AKAP9: variants seen among roughly 807,000 people sequenced by gnomAD.
AKAP9 encodes A-kinase anchoring protein 9.
In AKAP9, 311 loss-of-function variants were observed where a neutral mutation model predicts 488.5. The observed-to-expected ratio is 0.64, with a 90% CI of 0.58 to 0.70. The LOEUF (loss-of-function observed/expected upper bound fraction) is 0.70, where lower values mean the gene tolerates loss of function less well. Ranked by LOEUF, AKAP9 falls within the 30% of genes least tolerant of loss-of-function variation. AKAP9 has a pLI of 0.00. For missense variants in AKAP9, 4,215 were observed against 4,374.5 expected, an observed-to-expected ratio of 0.96 and a Z score of 1.03; for synonymous variants, 1,462 against 1,483.5, an observed-to-expected ratio of 0.99 and a Z score of 0.33.
chr7:91,962,496 T>G (rs970883458), intron 1 of AKAP9, among the ~76,000 whole-genome samples: 2 of 152,158 alleles, frequency 1.3e-5, no homozygotes, highest in African/African-American at 4.8e-5. Context: ...TCTTGTGAAG[T>G]GGTGCTTGAA....
At chr7:92,076,426 T>G (rs1055916895) in intron 28 of AKAP9, among the ~76,000 whole-genome samples, 3 of 152,254 alleles carry the variant, frequency 2.0e-5, no homozygotes, top group Admixed American at 2.0e-4. Context: ...TAGATATTTT[T>G]GGACTAAATT....
At chr7:92,088,938 T>G (rs1037021694) in intron 37 of AKAP9, among the ~76,000 whole-genome samples, 3 of 152,228 alleles carry the variant, frequency 2.0e-5, no homozygotes, top group African/African-American at 7.2e-5. Context: ...ACTTTAGCTT[T>G]AATTAATTCA....
rs766454113 is a variant in AKAP9, at chr7:92,022,998, G to A, written c.4137G>A (p.Thr1379=). The A allele has an allele frequency of 1.5e-5, 24 of 1,613,482 alleles. No individual in the cohort carries two copies. The highest frequency in any genetic ancestry group is 1.6e-4 in the Middle Eastern group (1 of 6,082). ...QKRLQAVSES[T]VPPSLPVDSV... Reference sequence around the variant, plus strand: ...GGCTTCAAGCTGTTAGTGAGTCCACGGTTCCGCCAAGGTATTCATCTGCTT... The same window carrying A: ...GGCTTCAAGCTGTTAGTGAGTCCACAGTTCCGCCAAGGTATTCATCTGCTT... Residue 1379 remains threonine, a synonymous_variant, in exon 14 of 50, where the codon ACG becomes ACA. Transcript: ENST00000356239.
chr7:91,983,299 G>A (rs1236573942), intron 3 of AKAP9, among the ~76,000 whole-genome samples: 26 of 152,128 alleles, frequency 1.7e-4, no homozygotes, highest in Non-Finnish European at 5.9e-5. Flanking sequence ...AGAACATGTG[G>A]TGTTTGGTTT....
At position 92,012,529 on chromosome 7, in the gene AKAP9, A is replaced by G. The variant is rs763348746; in HGVS notation, c.3419A>G (p.Asp1140Gly). The change falls in exon 9 of 50, where the codon GAT (aspartate) becomes GGT (glycine). Residue 1140 changes from aspartate to glycine, a missense_variant. Coordinates refer to ENST00000356239, the MANE Select transcript of AKAP9 (RefSeq NM_005751.5). ...CGTGAATATATGGAAAATGAAAAAG[A>G]TAAAGCTCTTTGCAGTCTTAAAGAA... The part of the protein sequence containing the change: ...QVREYMENEK[D>G]KALCSLKEEL... 3 of 1,614,076 alleles carry G rather than the reference A, an allele frequency of 1.9e-6. No individual in the cohort carries two copies. The highest frequency in any genetic ancestry group is 2.5e-6 in the Non-Finnish European group (3 of 1,179,950).
At chr7:91,996,084 T>G in intron 7 of AKAP9, 1 of 373,564 alleles carries the variant, frequency 2.7e-6, no homozygotes, top group Admixed American at 4.4e-5. Flanking sequence ...TATTTCCACT[T>G]ATTTTAGCCA....
chr7:92,108,019 C>CAAA (rs60351982), intron 48 of AKAP9: 2 of 143,946 alleles, frequency 1.4e-5, no homozygotes, highest in African/African-American at 2.9e-5. Flanking sequence ...ATTTGGTCTC[C>CAAA]AAAAAAAAAA....
chr7:91,974,570 A>G (rs114628912), intron 2 of AKAP9, among the ~76,000 whole-genome samples: 2,189 of 151,946 alleles, frequency 0.014, 45 homozygotes, highest in African/African-American at 0.05. Flanking sequence ...CTCTTTTGGG[A>G]TTGTTTTGGC....
intron 31 of AKAP9, among the ~76,000 whole-genome samples, chr7:92,081,522 G>A (rs12539523): frequency 0.34 from 48,490 of 141,708 alleles, 8,772 homozygotes; most frequent in Middle Eastern, 0.38. Context: ...GTAGAGACGA[G>A]GTTTCTCCAT....
At chr7:91,952,427 T>C (rs564777638) in intron 1 of AKAP9, among the ~76,000 whole-genome samples, 1 of 152,312 alleles carries the variant, frequency 6.6e-6, no homozygotes, top group East Asian at 1.9e-4. Flanking sequence ...ATGGGTAATA[T>C]AATTCTGGGT....
At chr7:91,945,192 C>T (rs1791312328) in intron 1 of AKAP9, among the ~76,000 whole-genome samples, 1 of 151,954 alleles carries the variant, frequency 6.6e-6, no homozygotes, top group South Asian at 2.1e-4. Flanking sequence ...GAGACCCCAT[C>T]TCTAAAAAGA....
At chr7:92,039,800 C>A (rs1012338860) in intron 17 of AKAP9, among the ~76,000 whole-genome samples, 11 of 151,948 alleles carry the variant, frequency 7.2e-5, no homozygotes, top group Non-Finnish European at 1.0e-4. Context: ...CATGGTAAAA[C>A]CCCCTCTCTA....
In AKAP9 at chr7:92,096,998, G is replaced by T. The variant is rs746192048; in HGVS notation, c.10039G>T (p.Glu3347Ter). Residue 3347 changes from glutamate (E) to a stop codon, truncating the protein, a stop_gained, in exon 41 of 50, where the codon GAG (glutamate) becomes TAG (stop). Transcript: ENST00000356239. LOFTEE classifies it high-confidence loss of function. Reference protein sequence around the residue: ...PPLPSEDLLKELQKQLEEKHS... With the variant: ...PPLPSEDLLK ...CTTGCCCTCAGAGGACCTACTGAAA[G>T]AGCTGCAGAAACAGCTAGAGGAAAA... 9.3e-5 allele frequency: 150 copies of T among 1,614,072 alleles called. No individual in the cohort carries two copies. Among genetic ancestry groups the T allele is most frequent in the Non-Finnish European group, 8.1e-5 (96 of 1,180,016 alleles).
At chr7:92,098,315 A>G in intron 43 of AKAP9, 101 bp downstream of exon 43, 2 of 669,970 alleles carry the variant, frequency 3.0e-6, no homozygotes, top group Admixed American at 5.4e-5. Flanking sequence ...CTCTTTATAG[A>G]GTTTTATTTG....
intron 14 of AKAP9, among the ~76,000 whole-genome samples, chr7:92,025,547 A>G (rs1443328265): frequency 6.6e-6 from 1 of 152,242 alleles, no homozygotes; most frequent in Non-Finnish European, 1.5e-5. Context: ...TAGACTTGAA[A>G]TAGTTAAGAA....
At chr7:91,997,049 T>C (rs905551897) in intron 7 of AKAP9, among the ~76,000 whole-genome samples, 2 of 152,328 alleles carry the variant, frequency 1.3e-5, no homozygotes, top group Admixed American at 1.3e-4. Flanking sequence ...AAATCTAAGT[T>C]GTCTGACTCC....
intron 3 of AKAP9, among the ~76,000 whole-genome samples, chr7:91,987,194 G>A (rs1176308970): frequency 6.6e-6 from 1 of 152,110 alleles, no homozygotes; most frequent in Non-Finnish European, 1.5e-5. Flanking sequence ...AAAGTGGGCG[G>A]ATCACCTGAG....
intron 1 of AKAP9, among the ~76,000 whole-genome samples, chr7:91,963,798 G>C (rs562834799): frequency 1.0e-3 from 153 of 152,316 alleles, no homozygotes; most frequent in Non-Finnish European, 1.7e-3. Context: ...GATTACAGGC[G>C]TGAGCCACCG....
chr7:91,946,228 A>G (rs1039799124), intron 1 of AKAP9, among the ~76,000 whole-genome samples: 5 of 152,224 alleles, frequency 3.3e-5, no homozygotes, highest in Admixed American at 6.5e-5. Context: ...TTCCACAGCT[A>G]AGAAAGTGTT....
Sources: gnomAD v4.1 joint callset for allele counts (sites outside exome capture counted in the v4.1 genomes callset) on GRCh38, gnomAD v4.1.1 for gene constraint, MANE v1.5 for transcripts, NCBI Gene and HGNC (gene_info 2026-07-23, HGNC 2026-07-21) for gene names.